The following KIF13B variants were observed in gnomAD, a reference collection of about 807,000 sequenced individuals.
The protein encoded by KIF13B is kinesin family member 13B, also known as kinesin-like protein KIF13B.
In KIF13B, 127 loss-of-function variants were observed where a neutral mutation model predicts 222.0. The observed-to-expected ratio is 0.57, with a 90% confidence interval of 0.50 to 0.66. The LOEUF (loss-of-function observed/expected upper bound fraction) is 0.66. Ranked by LOEUF, KIF13B falls within the 30% of genes least tolerant of loss-of-function variation. The pLI is 0.00. For synonymous variants in KIF13B, 976 were observed against 919.0 expected (o/e 1.06, Z -1.12); for missense variants, 2,173 against 2,379.0 (o/e 0.91, Z 1.80).
intron 22 of KIF13B, among the ~76,000 whole-genome samples, chr8:29,133,291 C>CA (rs1202035706): frequency 6.6e-6 from 1 of 152,072 alleles, no homozygotes; most frequent in Admixed American, 6.6e-5. Context: ...ACAACAACAA[C>CA]AAAAAACGCA....
chr8:29,145,226 GATC>G (rs1334292460), intron 18 of KIF13B, among the ~76,000 whole-genome samples: 2 of 152,088 alleles, frequency 1.3e-5, no homozygotes, highest in Non-Finnish European at 2.9e-5. Context: ...GTAAAGTAAC[GATC>G]ATATCATATT....
rs181011328 is a variant in KIF13B at position 29,156,093 on chromosome 8, C to T, written c.1405-237G>A. 8.7e-3 allele frequency among the ~76,000 whole-genome samples: 1,321 copies of T among 152,162 alleles called. 21 individuals carry two copies. Among genetic ancestry groups the T allele is most frequent in the African/African-American group, 0.029 (1,210 of 41,488 alleles). Reference sequence around the variant, plus strand: ...AAGCGATTCTCCTGCCTCAGCCACCCGAGTAGCTGGGATTACAGGCATGCA... The same window carrying T: ...AAGCGATTCTCCTGCCTCAGCCACCTGAGTAGCTGGGATTACAGGCATGCA... On this transcript the variant is annotated intron_variant, in intron 13 of 39. Transcript: ENST00000524189.
At chr8:29,134,942 A>T (rs981042569) in intron 21 of KIF13B, among the ~76,000 whole-genome samples, 1 of 152,186 alleles carries the variant, frequency 6.6e-6, no homozygotes, top group Non-Finnish European at 1.5e-5. Context: ...AACAAAGTGC[A>T]ACTGGAGATA....
chr8:29,151,369 T>C (rs1307830782), intron 14 of KIF13B, among the ~76,000 whole-genome samples: 1 of 152,178 alleles, frequency 6.6e-6, no homozygotes, highest in Non-Finnish European at 1.5e-5. Flanking sequence ...TGCAGCAAGA[T>C]CACTGATGAG....
At chr8:29,128,657 C>A (rs1333695410) in intron 24 of KIF13B, among the ~76,000 whole-genome samples, 1 of 152,042 alleles carries the variant, frequency 6.6e-6, no homozygotes, top group Admixed American at 6.6e-5. Context: ...GTGAAGTGCG[C>A]ACTTGAAGGG....
chr8:29,104,778 C>G (rs1172253258), intron 35 of KIF13B, among the ~76,000 whole-genome samples: 2 of 152,086 alleles, frequency 1.3e-5, no homozygotes, highest in Admixed American at 6.6e-5. Context: ...CAGAGTCTCG[C>G]TGTCGCCCAG....
chr8:29,071,713 C>T lies in KIF13B; in HGVS notation c.5125G>A (p.Val1709Met), dbSNP rs1230906498. Reference protein sequence around the residue: ...EWLREGEFVTVGAHKTGVVRY... With the variant: ...EWLREGEFVTMGAHKTGVVRY... The stretch of plus-strand genomic sequence containing the variant: ...ACCACGCCCGTTTTGTGGGCGCCCA[C>T]GGTGACGAACTCGCCCTCTCGGAGC... Residue 1709 changes from valine to methionine, a missense_variant, in exon 39 of 40, where the codon GTG becomes ATG. By Grantham distance (21) the Val-to-Met change is conservative. Coordinates refer to ENST00000524189, the MANE Select transcript of KIF13B (RefSeq NM_015254.4). This position sits in a 1 kb window ranked among gnomAD's most constrained non-coding sequence, Gnocchi z 4.9. 6.5e-6 allele frequency: 10 copies of T among 1,550,382 alleles called. No individual in the cohort carries two copies. The highest frequency in any genetic ancestry group is 7.8e-6 in the Non-Finnish European group (9 of 1,146,902).
At chr8:29,186,025 C>T (rs1162252396) in intron 6 of KIF13B, among the ~76,000 whole-genome samples, 1 of 152,164 alleles carries the variant, frequency 6.6e-6, no homozygotes, top group East Asian at 1.9e-4. Flanking sequence ...TAGGTTTCAT[C>T]TCTCTGATTA....
At chr8:29,246,724 C>G (rs984959454) in intron 1 of KIF13B, among the ~76,000 whole-genome samples, 1 of 152,214 alleles carries the variant, frequency 6.6e-6, no homozygotes, top group Non-Finnish European at 1.5e-5. Flanking sequence ...GTAATCAAGT[C>G]AGTGCAGTAC....
intron 2 of KIF13B, among the ~76,000 whole-genome samples, chr8:29,227,932 T>C (rs976425043): frequency 6.6e-6 from 1 of 151,992 alleles, no homozygotes; most frequent in African/African-American, 2.4e-5. Context: ...GCCTGAGCAA[T>C]AGAGCAAGAC....
intron 2 of KIF13B, among the ~76,000 whole-genome samples, chr8:29,232,756 T>C (rs1339556964): frequency 6.6e-6 from 1 of 152,194 alleles, no homozygotes; most frequent in East Asian, 1.9e-4. Flanking sequence ...CCATCATAGA[T>C]ACTTGTTTCT....
intron 37 of KIF13B, among the ~76,000 whole-genome samples, chr8:29,092,500 A>G (rs1808344237): frequency 6.6e-6 from 1 of 152,250 alleles, no homozygotes; most frequent in Admixed American, 6.5e-5. Context: ...TGTTATTACC[A>G]TACATCACAT....
intron 17 of KIF13B, among the ~76,000 whole-genome samples, 164 bp from the exon 18 acceptor site, chr8:29,146,704 C>T (rs1225237668): frequency 5.3e-5 from 8 of 152,218 alleles, no homozygotes; most frequent in South Asian, 2.1e-4. Flanking sequence ...CCCATGCACA[C>T]GCTTGAACCT....
intron 21 of KIF13B, among the ~76,000 whole-genome samples, chr8:29,136,728 C>T (rs1810573690): frequency 6.6e-6 from 1 of 151,072 alleles, no homozygotes; most frequent in African/African-American, 2.4e-5. Flanking sequence ...CAGTAGCTAC[C>T]TTACTCTACA....
intron 5 of KIF13B, among the ~76,000 whole-genome samples, chr8:29,186,777 G>C (rs1311841947): frequency 6.6e-6 from 1 of 151,640 alleles, no homozygotes; most frequent in African/African-American, 2.4e-5. Flanking sequence ...TGGGCAACAA[G>C]GTGAAACCCC....
chr8:29,087,711 T>C (rs950680388), intron 37 of KIF13B, among the ~76,000 whole-genome samples: 1 of 152,160 alleles, frequency 6.6e-6, no homozygotes. Flanking sequence ...ACTCTTCTCA[T>C]TTCTGGACTC....
intron 2 of KIF13B, among the ~76,000 whole-genome samples, chr8:29,232,096 A>T (rs1815310968): frequency 6.6e-6 from 1 of 151,986 alleles, no homozygotes; most frequent in African/African-American, 2.4e-5. Flanking sequence ...CTCTACAAAA[A>T]ACACACAAAA....
At chr8:29,080,136 G>A (rs1450151333) in intron 37 of KIF13B, among the ~76,000 whole-genome samples, 1 of 152,038 alleles carries the variant, frequency 6.6e-6, no homozygotes, top group Non-Finnish European at 1.5e-5. Context: ...GAGCCTAGGA[G>A]TTCGAGACCA....
rs993718247 is a variant in KIF13B, at chr8:29,118,848, C to G, written c.3660+20G>C. The G allele has an allele frequency of 9.9e-6, 16 of 1,612,326 alleles. No individual in the cohort carries two copies. In the Middle Eastern group the frequency reaches 8.2e-4, roughly 83 times the overall value. On this transcript the variant is annotated intron_variant, in intron 30 of 39. Transcript: ENST00000524189. ...GGAAACCACTTTTCATCTGACCATC[C>G]CAAGTTAGGCTTTCCTTACCTCCCC...
Sources: allele counts gnomAD v4.1 joint callset (sites outside exome capture counted in the v4.1 genomes callset), GRCh38; gene constraint gnomAD v4.1.1; non-coding constraint Gnocchi (gnomAD v3.1); transcripts MANE v1.5; gene names NCBI Gene and HGNC (gene_info 2026-07-23, HGNC 2026-07-21).